The following TDRP variants were observed in gnomAD, a reference collection of about 807,000 sequenced individuals.
TDRP encodes testis development-related protein.
TDRP carries 12 observed loss-of-function variants against 10.5 expected under a neutral mutation model. The ratio of observed to expected loss-of-function variants is 1.15; its 90% CI spans 0.73 to 1.86. The LOEUF is 1.86. Ranked by LOEUF, TDRP falls within the 40% of genes most tolerant of loss-of-function variation. The pLI is 0.00. For missense variants in TDRP, 353 were observed against 229.2 expected (o/e 1.54, Z -3.49); for synonymous variants, 139 against 95.4 (o/e 1.46, Z -2.67).
At chr8:522,487 G>C (rs1801932053) in intron 1 of TDRP, among the ~76,000 whole-genome samples, 1 of 152,128 alleles carries the variant, frequency 6.6e-6, no homozygotes, top group South Asian at 2.1e-4. Context: ...CAGCTCTAAG[G>C]TCACTAGACA....
At position 490,536 on chromosome 8, in the gene TDRP, T is replaced by C. The variant is rs1027876921; in HGVS notation, c.*1863A>G. On this transcript the variant is annotated 3_prime_UTR_variant, in exon 3 of 3. Coordinates refer to ENST00000324079, the MANE Select transcript of TDRP (RefSeq NM_001384899.1). Reference sequence around the variant, plus strand: ...GTGATTTCCAGAGTTTCAAACACAGTGTTTACATTCCTGCGCAGCAAGACC... The same window carrying C: ...GTGATTTCCAGAGTTTCAAACACAGCGTTTACATTCCTGCGCAGCAAGACC... 3.3e-5 allele frequency: 5 copies of C among 152,196 alleles called. No individual in the cohort carries two copies. Among genetic ancestry groups the C allele is most frequent in the Non-Finnish European group, 7.3e-5 (5 of 68,030 alleles). 9.4% of individuals were successfully genotyped at this position (152,196 alleles called of 1,614,324 possible). A position where few individuals can be genotyped will look rare whatever the true frequency, so the allele number is the denominator to read the frequency against.
chr8:496,281 G>A (rs1027840080), intron 1 of TDRP, among the ~76,000 whole-genome samples: 3 of 152,190 alleles, frequency 2.0e-5, no homozygotes, highest in African/African-American at 7.2e-5. Context: ...GATGCGCAGG[G>A]CCCATGGCAT....
intron 1 of TDRP, among the ~76,000 whole-genome samples, chr8:509,947 G>A (rs534879815): frequency 6.6e-5 from 10 of 152,318 alleles, no homozygotes; most frequent in African/African-American, 2.4e-4. Flanking sequence ...GCAAACCTGA[G>A]AAGTGGAGGT....
chr8:518,171 C>A (rs1428529823), intron 1 of TDRP, among the ~76,000 whole-genome samples: 1 of 152,118 alleles, frequency 6.6e-6, no homozygotes, highest in African/African-American at 2.4e-5. Context: ...AGGCACCGCT[C>A]TGGAGAGGGA....
chr8:544,963 C>A (rs1802601791), upstream of TDRP: 4 of 343,712 alleles, frequency 1.2e-5, no homozygotes, highest in Non-Finnish European at 1.5e-5. Context: ...ACCCGGCCCG[C>A]CCCCAAACCA....
chr8:539,207 C>G (rs977418388), intron 1 of TDRP, among the ~76,000 whole-genome samples: 1 of 152,080 alleles, frequency 6.6e-6, no homozygotes, highest in Non-Finnish European at 1.5e-5. Context: ...AAGAGGTGAT[C>G]AGGGTGAGAT....
chr8:521,061 G>C (rs1365522939), intron 1 of TDRP, among the ~76,000 whole-genome samples: 1 of 151,772 alleles, frequency 6.6e-6, no homozygotes, highest in African/African-American at 2.4e-5. Flanking sequence ...TATAATTTCT[G>C]ATTTAGGTCT....
In TDRP at chr8:491,786, A is replaced by G; in HGVS notation, c.*613T>C. On this transcript the variant is annotated 3_prime_UTR_variant, in exon 3 of 3. Coordinates refer to ENST00000324079, the MANE Select transcript of TDRP (RefSeq NM_001384899.1). ...ACCACTGTTACTATCCAGTGGACAT[A>G]CAAGAAGCTATTCCTCCCTCAGCAA... The G allele has an allele frequency of 7.8e-7, 1 of 1,285,278 alleles. No individual in the cohort carries two copies. The highest frequency in any genetic ancestry group is 9.8e-7 in the Non-Finnish European group (1 of 1,019,738). The allele number at this position is 1,285,278 out of a possible 1,614,324, so 79.6% of individuals were successfully genotyped here.
chr8:520,037 G>C (rs868100855), intron 1 of TDRP, among the ~76,000 whole-genome samples: 17 of 152,336 alleles, frequency 1.1e-4, no homozygotes, highest in Middle Eastern at 6.8e-3. Flanking sequence ...AGCACGTTCA[G>C]AAGCTGTATT....
chr8:497,663 G>A (rs1456103723), intron 1 of TDRP, among the ~76,000 whole-genome samples: 3 of 152,204 alleles, frequency 2.0e-5, no homozygotes, highest in South Asian at 2.1e-4. Flanking sequence ...CATAAGTAAA[G>A]AAGAGCCAAT....
intron 1 of TDRP, among the ~76,000 whole-genome samples, chr8:517,278 C>A (rs932026677): frequency 2.0e-5 from 3 of 152,190 alleles, no homozygotes; most frequent in African/African-American, 4.8e-5. Flanking sequence ...ATATATTTCA[C>A]ATATTTTGGA....
At chr8:510,761 C>A (rs1193779901) in intron 1 of TDRP, among the ~76,000 whole-genome samples, 1 of 152,218 alleles carries the variant, frequency 6.6e-6, no homozygotes, top group Admixed American at 6.5e-5. Flanking sequence ...AAACGAGGAA[C>A]TCCATACAGC....
At chr8:511,296 T>C (rs1801610328) in intron 1 of TDRP, among the ~76,000 whole-genome samples, 1 of 151,842 alleles carries the variant, frequency 6.6e-6, no homozygotes, top group Non-Finnish European at 1.5e-5. Context: ...AACAGAGATA[T>C]GCAAACAGCA....
chr8:515,965 T>C (rs1454839364), intron 1 of TDRP, among the ~76,000 whole-genome samples: 1 of 151,918 alleles, frequency 6.6e-6, no homozygotes, highest in African/African-American at 2.4e-5. Context: ...GAAAAAGAAA[T>C]GCCATTCACA....
chr8:512,674 A>G (rs942392139), intron 1 of TDRP, among the ~76,000 whole-genome samples: 1 of 152,174 alleles, frequency 6.6e-6, no homozygotes, highest in African/African-American at 2.4e-5. Context: ...ATCTGAATAC[A>G]TATATAACAA....
chr8:498,655 G>C (rs959808712), intron 1 of TDRP, among the ~76,000 whole-genome samples: 1 of 152,140 alleles, frequency 6.6e-6, no homozygotes, highest in Admixed American at 6.5e-5. Context: ...AGGCATGACT[G>C]GTTTTGAAAT....
upstream of TDRP, among the ~76,000 whole-genome samples, chr8:545,445 C>A (rs1007356118): frequency 2.7e-5 from 4 of 150,762 alleles, no homozygotes; most frequent in African/African-American, 4.9e-5. Context: ...CCGGACTGCC[C>A]CCTCCCCCCA....
chr8:535,054 T>G lies in TDRP; in HGVS notation c.108+9596A>C, dbSNP rs546181823. Among the ~76,000 whole-genome samples, 3 of 152,320 alleles carry G rather than the reference T, an allele frequency of 2.0e-5. No individual in the cohort carries two copies. In the East Asian group the frequency reaches 5.8e-4, roughly 29 times the overall value. ...CTCGTTATCTTTCAAACACTAGAAC[T>G]AGAATATCTGCCATTTAGTCTATAA... On this transcript the variant is annotated intron_variant, in intron 1 of 2. Transcript: ENST00000324079.
intron 1 of TDRP, among the ~76,000 whole-genome samples, chr8:510,468 T>C (rs757873464): frequency 3.9e-5 from 6 of 152,104 alleles, no homozygotes; most frequent in Non-Finnish European, 8.8e-5. Flanking sequence ...AGGGAGATAA[T>C]CTTGAAAGCT....
Sources: allele counts gnomAD v4.1 joint callset (sites outside exome capture counted in the v4.1 genomes callset), GRCh38; gene constraint gnomAD v4.1.1; transcripts MANE v1.5; gene names NCBI Gene and HGNC (gene_info 2026-07-23, HGNC 2026-07-21).